The following MEIS1 variants were observed in gnomAD, a reference collection of about 807,000 sequenced individuals.
The protein encoded by MEIS1 is Meis homeobox 1, also known as homeobox protein Meis1.
MEIS1 carries 5 observed loss-of-function variants against 50.8 expected under a neutral mutation model. The observed-to-expected ratio is 0.10, with a 90% CI of 0.05 to 0.21. The LOEUF (loss-of-function observed/expected upper bound fraction) is 0.21. Ranked by LOEUF, MEIS1 falls within the 10% of genes least tolerant of loss-of-function variation. The probability of loss-of-function intolerance (pLI) is 1.00; values close to 1 mark genes in which losing one functional copy is unlikely to be tolerated. For missense variants in MEIS1, 318 were observed against 517.3 expected, an observed-to-expected ratio of 0.61 and a Z score of 3.74; for synonymous variants, 176 against 179.3, an observed-to-expected ratio of 0.98 and a Z score of 0.15.
At chr2:66,567,627 G>A (rs2103973814) in intron 10 of MEIS1, 116 bp downstream of exon 10, 1 of 905,634 alleles carries the variant, frequency 1.1e-6, no homozygotes. Context: ...GGAACGCCTG[G>A]CAATTAAAAT....
At chr2:66,457,848 C>T (rs957534113) in intron 6 of MEIS1, among the ~76,000 whole-genome samples, 1 of 152,222 alleles carries the variant, frequency 6.6e-6, no homozygotes, top group African/African-American at 2.4e-5. Context: ...CTGGTGCCTT[C>T]TCCATGCGGA....
intron 9 of MEIS1, among the ~76,000 whole-genome samples, chr2:66,556,251 TAAAC>T (rs1162351364): frequency 6.6e-6 from 1 of 152,178 alleles, no homozygotes; most frequent in Non-Finnish European, 1.5e-5. Flanking sequence ...CAATAACAAA[TAAAC>T]AAAAGAATAT....
At chr2:66,481,669 A>C (rs918126778) in intron 7 of MEIS1, among the ~76,000 whole-genome samples, 1 of 151,964 alleles carries the variant, frequency 6.6e-6, no homozygotes, top group Non-Finnish European at 1.5e-5. Context: ...TGACAGTATT[A>C]TTTATTTTCA....
intron 8 of MEIS1, among the ~76,000 whole-genome samples, chr2:66,543,111 T>G (rs894474050): frequency 2.0e-5 from 3 of 152,218 alleles, no homozygotes; most frequent in Admixed American, 6.5e-5. Context: ...ATAACTTTCT[T>G]GAGTAAGTCA....
chr2:66,482,530 T>C (rs1355018149), intron 7 of MEIS1, among the ~76,000 whole-genome samples: 2 of 152,214 alleles, frequency 1.3e-5, no homozygotes, highest in African/African-American at 4.8e-5. Flanking sequence ...TCTCTCTGTC[T>C]CTCGTTAGAA....
intron 3 of MEIS1, 115 bp from the exon 4 acceptor site, chr2:66,440,447 C>A: frequency 1.1e-6 from 1 of 895,398 alleles, no homozygotes; most frequent in Non-Finnish European, 1.8e-6. Context: ...CGGAGGGTTA[C>A]TTCCTGCCCC....
chr2:66,466,568 G>A (rs1043319848), intron 7 of MEIS1, among the ~76,000 whole-genome samples: 3 of 152,118 alleles, frequency 2.0e-5, no homozygotes, highest in Admixed American at 6.5e-5. Context: ...TGCAGCCTTC[G>A]GATTAACTGT....
chr2:66,437,693 C>A, intron 1 of MEIS1, 44 bp from the exon 2 acceptor site: 1 of 1,589,698 alleles, frequency 6.3e-7, no homozygotes, highest in South Asian at 1.1e-5. Flanking sequence ...CCCATTTGCC[C>A]GCCTGGCCTC....
At chr2:66,494,339 T>C (rs1350342697) in intron 7 of MEIS1, among the ~76,000 whole-genome samples, 3 of 152,220 alleles carry the variant, frequency 2.0e-5, no homozygotes, top group African/African-American at 7.2e-5. Flanking sequence ...GGTAAGACAC[T>C]TAACTTTTTT....
chr2:66,520,227 C>A (rs1255261492), intron 8 of MEIS1, among the ~76,000 whole-genome samples: 1 of 151,862 alleles, frequency 6.6e-6, no homozygotes, highest in Non-Finnish European at 1.5e-5. Flanking sequence ...GTAATCCCAG[C>A]ACTTTGGGAG....
intron 7 of MEIS1, among the ~76,000 whole-genome samples, chr2:66,473,397 A>AAAAAAAAAATATATAT: frequency 1.3e-4 from 14 of 107,610 alleles, no homozygotes; most frequent in African/African-American, 8.2e-4. Flanking sequence ...AAAAAAAAAA[A>AAAAAAAAAATATATAT]ATATATATAT....
rs1213321280 is a variant in MEIS1, at chr2:66,437,051, G to C, written c.13-686G>C. The C allele has an allele frequency of 4.0e-6, 3 of 755,454 alleles. No individual in the cohort carries two copies. In the African/African-American group the frequency reaches 5.7e-5, roughly 14 times the overall value. 46.8% of individuals were successfully genotyped at this position (755,454 alleles called of 1,614,324 possible). A position where few individuals can be genotyped will look rare whatever the true frequency, so the allele number is the denominator to read the frequency against. On this transcript the variant is annotated intron_variant, in intron 1 of 12. Transcript: ENST00000272369. ...CAACTATAGATTTTCTTTAACTTTGGGGGTGGGGAATTGCCCAATTCTAAA... is the reference window on the plus strand; with the variant it reads ...CAACTATAGATTTTCTTTAACTTTGCGGGTGGGGAATTGCCCAATTCTAAA...
chr2:66,470,050 G>T (rs1277113097), intron 7 of MEIS1, among the ~76,000 whole-genome samples: 1 of 152,000 alleles, frequency 6.6e-6, no homozygotes, highest in African/African-American at 2.4e-5. Context: ...TGTTTCATTT[G>T]TCTGTTGGTC....
intron 8 of MEIS1, among the ~76,000 whole-genome samples, chr2:66,531,535 A>G (rs1049812811): frequency 6.6e-6 from 1 of 152,256 alleles, no homozygotes; most frequent in African/African-American, 2.4e-5. Context: ...ATGTCATGAC[A>G]GTGTTGGAAA....
At chr2:66,562,005 G>T (rs938060996) in intron 9 of MEIS1, 2 of 135,038 alleles carry the variant, frequency 1.5e-5, no homozygotes, top group African/African-American at 5.6e-5. Flanking sequence ...ATTGAGTAAA[G>T]GTGAAAATGC....
At chr2:66,470,047 T>A (rs540213013) in intron 7 of MEIS1, among the ~76,000 whole-genome samples, 1 of 152,338 alleles carries the variant, frequency 6.6e-6, no homozygotes, top group African/African-American at 2.4e-5. Context: ...TGTTGTTTCA[T>A]TTGTCTGTTG....
chr2:66,491,741 G>GACAA (rs1458740767), intron 7 of MEIS1, among the ~76,000 whole-genome samples: 2 of 152,174 alleles, frequency 1.3e-5, no homozygotes, highest in African/African-American at 4.8e-5. Flanking sequence ...AAACTGACTT[G>GACAA]ACAGCCATTT....
Position 66,437,897 on chromosome 2 carries a change from C to T in MEIS1, c.173C>T (p.Ala58Val). ...HQYPHTAHTNAMAPSMGSSVN... is the reference protein window; with the variant it reads ...HQYPHTAHTNVMAPSMGSSVN... ...TACCCGCACACAGCTCATACCAACG[C>T]CATGGCCCCCAGCATGGGCTCCTCT... The change falls in exon 2 of 13, where the codon GCC (alanine) becomes GTC (valine). Residue 58 changes from alanine (A) to valine (V), a missense_variant. By Grantham distance (64) the Ala-to-Val change is moderately conservative. This residue lies in a region of MEIS1 where 100 missense variants were observed against 107.1 expected (regional missense o/e 0.93). Coordinates refer to ENST00000272369, the MANE Select transcript of MEIS1 (RefSeq NM_002398.3). 6.2e-7 allele frequency: 1 copy of T among 1,609,040 alleles called. No homozygotes were observed. Among genetic ancestry groups the T allele is most frequent in the Non-Finnish European group, 8.5e-7 (1 of 1,177,644 alleles).
chr2:66,438,044 A>G, intron 2 of MEIS1, 81 bp downstream of exon 2: 2 of 1,255,944 alleles, frequency 1.6e-6, no homozygotes, highest in Non-Finnish European at 1.1e-6. Flanking sequence ...GAGGAAAGTC[A>G]GAGTTCTCTG....
Sources: allele counts gnomAD v4.1 joint callset (sites outside exome capture counted in the v4.1 genomes callset), GRCh38; gene constraint gnomAD v4.1.1; regional missense constraint gnomAD v4.1.1; transcripts MANE v1.5; gene names NCBI Gene and HGNC (gene_info 2026-07-23, HGNC 2026-07-21).